Variants in SGIP1 observed in about 807,000 individuals in gnomAD.
The protein encoded by SGIP1 is SH3GL interacting endocytic adaptor 1.
In SGIP1, 38 loss-of-function variants were observed where a neutral mutation model predicts 107.5. The observed-to-expected ratio is 0.35, with a 90% CI of 0.27 to 0.46. The LOEUF is 0.46. SGIP1 is among the 20% of genes least tolerant of loss of function. The probability of loss-of-function intolerance (pLI) is 1.00; values close to 1 mark genes in which losing one functional copy is unlikely to be tolerated. For missense variants in SGIP1, 929 were observed against 1,019.5 expected (o/e 0.91, Z 1.21); for synonymous variants, 365 against 366.1 (o/e 1.00, Z 0.03).
intron 10 of SGIP1, 148 bp downstream of exon 10, chr1:66,671,167 C>G (rs1008960912): frequency 5.0e-6 from 2 of 402,104 alleles, no homozygotes; most frequent in South Asian, 9.3e-5. Context: ...GCAAAGAATT[C>G]TTGTAATGAT....
At chr1:66,672,809 C>T (rs2084146774) in intron 11 of SGIP1, among the ~76,000 whole-genome samples, 1 of 151,994 alleles carries the variant, frequency 6.6e-6, no homozygotes, top group Non-Finnish European at 1.5e-5. Context: ...GAGGATGAAA[C>T]TTCTCGGTGG....
chr1:66,631,564 G>T (rs1178559954), intron 2 of SGIP1, among the ~76,000 whole-genome samples: 4 of 152,080 alleles, frequency 2.6e-5, no homozygotes, highest in African/African-American at 9.7e-5. Flanking sequence ...AATCCAAGTA[G>T]AATATTCTGC....
chr1:66,686,348 G>A (rs1388530599), intron 15 of SGIP1, among the ~76,000 whole-genome samples: 1 of 152,228 alleles, frequency 6.6e-6, no homozygotes, highest in Non-Finnish European at 1.5e-5. Flanking sequence ...TGGATTGAGA[G>A]CATGTCAATC....
At chr1:66,724,864 T>C (rs943494626) in intron 19 of SGIP1, among the ~76,000 whole-genome samples, 1 of 152,196 alleles carries the variant, frequency 6.6e-6, no homozygotes, top group Non-Finnish European at 1.5e-5. Context: ...GAGCCACCAC[T>C]GCTAATAACA....
At chr1:66,634,627 G>A (rs184090224) in intron 3 of SGIP1, among the ~76,000 whole-genome samples, 1 of 152,202 alleles carries the variant, frequency 6.6e-6, no homozygotes, top group African/African-American at 2.4e-5. Flanking sequence ...TGCCCACTTT[G>A]TTACTTAATT....
chr1:66,716,422 A>G (rs571873202), intron 18 of SGIP1, among the ~76,000 whole-genome samples: 32 of 152,252 alleles, frequency 2.1e-4, no homozygotes, highest in Non-Finnish European at 4.0e-4. Flanking sequence ...CCCTTTATAT[A>G]CCAATATCTG....
intron 1 of SGIP1, among the ~76,000 whole-genome samples, chr1:66,595,921 G>A (rs1166580051): frequency 6.6e-6 from 1 of 152,168 alleles, no homozygotes; most frequent in Non-Finnish European, 1.5e-5. Flanking sequence ...TTTGAGGAGG[G>A]GGAGGAGGAA....
intron 18 of SGIP1, among the ~76,000 whole-genome samples, chr1:66,715,133 C>T (rs2093160654): frequency 6.6e-6 from 1 of 151,980 alleles, no homozygotes; most frequent in South Asian, 2.1e-4. Flanking sequence ...GAACACAATA[C>T]CAGTTTAAAC....
intron 1 of SGIP1, among the ~76,000 whole-genome samples, chr1:66,549,152 TTCCTTCCTTCC>T (rs2056985821): frequency 7.2e-6 from 1 of 138,466 alleles, no homozygotes; most frequent in African/African-American, 3.2e-5. Context: ...CCTTCCTTCC[TTCCTTCCTTCC>T]TTCCTTCCTT....
intron 1 of SGIP1, among the ~76,000 whole-genome samples, chr1:66,597,025 A>G (rs901554015): frequency 1.3e-5 from 2 of 152,218 alleles, no homozygotes; most frequent in African/African-American, 4.8e-5. Context: ...GGCCTGACTT[A>G]TCAATATTAT....
chr1:66,567,991 T>A (rs1006490535), intron 1 of SGIP1, among the ~76,000 whole-genome samples: 4 of 152,176 alleles, frequency 2.6e-5, no homozygotes, highest in Non-Finnish European at 5.9e-5. Context: ...ATATGAGCTC[T>A]TTTTTGGTTC....
chr1:66,720,598 C>T (rs1393283078), intron 19 of SGIP1, among the ~76,000 whole-genome samples: 1 of 152,066 alleles, frequency 6.6e-6, no homozygotes, highest in Non-Finnish European at 1.5e-5. Context: ...GGGTGGTGCA[C>T]ACCTGCAGTC....
chr1:66,741,502 T>C (rs994909909), intron 24 of SGIP1, 66 bp downstream of exon 24: 14 of 1,413,360 alleles, frequency 9.9e-6, no homozygotes, highest in Admixed American at 5.1e-5. Context: ...TTAAGAGGAA[T>C]AGGTTGTGAT....
chr1:66,714,185 T>C (rs2093095149), intron 18 of SGIP1, among the ~76,000 whole-genome samples: 1 of 152,166 alleles, frequency 6.6e-6, no homozygotes, highest in Non-Finnish European at 1.5e-5. Context: ...GCCTTTAACA[T>C]TGATACTATC....
rs536885170 is a variant in SGIP1 at position 66,676,990 on chromosome 1, T to C, written c.647-14T>C. ...TTTTAACTCACCCTGGGAAATCTTC[T>C]TTTTTGTTTCCAGTTCTTTTAGATC... On this transcript the variant is annotated splice_polypyrimidine_tract_variant and intron_variant, in intron 12 of 24. Transcript: ENST00000371037. 32 of 1,594,460 alleles carry C rather than the reference T, an allele frequency of 2.0e-5. No homozygotes were observed. The African/African-American group carries it at 3.8e-4, about 19-fold the overall frequency.
chr1:66,626,142 T>C lies in SGIP1; in HGVS notation c.74+232T>C, dbSNP rs1054361585. On this transcript the variant is annotated intron_variant, in intron 2 of 24. Transcript: ENST00000371037. ...TATCACATTTTTCTTTCTTTCTTTTTTTTTTTTTTTTTTTTTTGATCATTA... is the reference window on the plus strand; with the variant it reads ...TATCACATTTTTCTTTCTTTCTTTTCTTTTTTTTTTTTTTTTTGATCATTA... 523 of 178,468 alleles carry C rather than the reference T, an allele frequency of 2.9e-3. 2 individuals carry two copies. Among genetic ancestry groups the C allele is most frequent in the African/African-American group, 0.013 (464 of 35,496 alleles). 11.1% of individuals were successfully genotyped at this position (178,468 alleles called of 1,614,324 possible). A position where few individuals can be genotyped will look rare whatever the true frequency, so the allele number is the denominator to read the frequency against.
chr1:66,597,548 G>A (rs2064961261), intron 1 of SGIP1, among the ~76,000 whole-genome samples: 1 of 152,178 alleles, frequency 6.6e-6, no homozygotes, highest in Non-Finnish European at 1.5e-5. Flanking sequence ...CAGCAAGTAT[G>A]TTTCCACTTA....
chr1:66,551,314 C>T (rs1557857289), intron 1 of SGIP1, among the ~76,000 whole-genome samples: 1 of 152,146 alleles, frequency 6.6e-6, no homozygotes, highest in East Asian at 1.9e-4. Context: ...AGCAATTCTC[C>T]TATGTTAGAA....
At chr1:66,723,276 G>T (rs924073567) in intron 19 of SGIP1, among the ~76,000 whole-genome samples, 8 of 152,126 alleles carry the variant, frequency 5.3e-5, no homozygotes, top group African/African-American at 1.9e-4. Flanking sequence ...AAAGCCATTT[G>T]TTCTCAGACC....
Sources: gnomAD v4.1 joint callset for allele counts (sites outside exome capture counted in the v4.1 genomes callset) on GRCh38, gnomAD v4.1.1 for gene constraint, MANE v1.5 for transcripts, NCBI Gene and HGNC (gene_info 2026-07-23, HGNC 2026-07-21) for gene names.